Variants in DRICH1 observed in about 807,000 individuals in gnomAD.
DRICH1 encodes aspartate rich 1, also known as aspartate-rich protein 1.
A neutral mutation model predicts 39.5 loss-of-function variants in DRICH1; 38 were observed. The ratio of observed to expected loss-of-function variants is 0.96; its 90% CI spans 0.74 to 1.26. DRICH1 has a LOEUF of 1.26. Among genes scored for constraint, DRICH1 ranks in the 50% most tolerant of loss-of-function variants. DRICH1 has a pLI of 0.00. For missense variants in DRICH1, 279 were observed against 270.4 expected (o/e 1.03, Z -0.22); for synonymous variants, 84 against 99.5 (o/e 0.84, Z 0.93).
In DRICH1 at chr22:23,620,598, G is replaced by C. The variant is rs772777398; in HGVS notation, c.402C>G (p.Val134=). 49 of 1,613,700 alleles carry C rather than the reference G, an allele frequency of 3.0e-5. No individual in the cohort carries two copies. Among genetic ancestry groups the C allele is most frequent in the Middle Eastern group, 1.6e-4 (1 of 6,082 alleles). ...DDDAQILPSR[V]QGGCYRFDSS... ...GAGTTAGTTCAAGGTACATACCCTG[G>C]ACACGTGACGGTAAAATCTGCAACG... The change falls in exon 5 of 12, where the codon GTC becomes GTG. Residue 134 remains valine (V), a synonymous_variant. Coordinates refer to ENST00000317749, the MANE Select transcript of DRICH1 (RefSeq NM_016449.4).
At chr22:23,611,890 GTAATATGTTA>G (rs997640160) in intron 11 of DRICH1, among the ~76,000 whole-genome samples, 19 of 152,184 alleles carry the variant, frequency 1.2e-4, no homozygotes, top group Admixed American at 8.5e-4. Context: ...AACATTTTAA[GTAATATGTTA>G]TACAAATGAC....
the DRICH1 span, among the ~76,000 whole-genome samples, chr22:23,584,034 A>T: frequency 1.3e-5 from 2 of 152,184 alleles, no homozygotes; most frequent in Non-Finnish European, 2.9e-5. Flanking sequence ...CTCTCAACAG[A>T]GGCAGCCTCA....
At chr22:23,624,011 C>T (rs1927917884) in intron 3 of DRICH1, 1 of 984,374 alleles carries the variant, frequency 1.0e-6, no homozygotes, top group Admixed American at 6.2e-5. Context: ...CAAGGTTGTG[C>T]TTCTCCCTCC....
At chr22:23,603,303 GCCC>G in the DRICH1 span, among the ~76,000 whole-genome samples, 1 of 150,016 alleles carries the variant, frequency 6.7e-6, no homozygotes. Flanking sequence ...AACCTCTGGT[GCCC>G]CCAATTCAGC....
intron 8 of DRICH1, among the ~76,000 whole-genome samples, chr22:23,616,454 C>T (rs1352331782): frequency 2.0e-5 from 3 of 152,194 alleles, no homozygotes; most frequent in Non-Finnish European, 4.4e-5. Flanking sequence ...TGCACCTTCC[C>T]TAACCCTGCC....
the DRICH1 span, among the ~76,000 whole-genome samples, chr22:23,592,022 C>A: frequency 9.9e-5 from 15 of 152,208 alleles, no homozygotes; most frequent in Non-Finnish European, 1.9e-4. Context: ...GCCCAGGCTC[C>A]TTCTGTGGCT....
the DRICH1 span, among the ~76,000 whole-genome samples, chr22:23,582,229 G>A: frequency 8.7e-5 from 13 of 148,918 alleles, no homozygotes; most frequent in Admixed American, 4.0e-4. Flanking sequence ...CACCTGCCTC[G>A]GCCTCCCAAA....
At chr22:23,581,895 C>T in the DRICH1 span, among the ~76,000 whole-genome samples, 112 of 151,838 alleles carry the variant, frequency 7.4e-4, no homozygotes, top group Non-Finnish European at 1.0e-3. Flanking sequence ...TGAGCCACCG[C>T]GCCTGGCCCA....
chr22:23,603,821 C>G (rs530151192), downstream of DRICH1, among the ~76,000 whole-genome samples: 59 of 152,306 alleles, frequency 3.9e-4, no homozygotes, highest in Admixed American at 1.0e-3. Flanking sequence ...AGCCTGGCCC[C>G]TAGTAAGCCT....
chr22:23,627,233 T>C (rs9624237), intron 1 of DRICH1, among the ~76,000 whole-genome samples: 39,259 of 151,822 alleles, frequency 0.26, 5,172 homozygotes, highest in East Asian at 0.34. Context: ...TCACCACACC[T>C]GGCTAATTTT....
At chr22:23,601,963 A>C in the DRICH1 span, among the ~76,000 whole-genome samples, 1 of 150,776 alleles carries the variant, frequency 6.6e-6, no homozygotes, top group Non-Finnish European at 1.5e-5. Flanking sequence ...GCACTGTGGG[A>C]GGCTGAGAGC....
intron 3 of DRICH1, among the ~76,000 whole-genome samples, chr22:23,623,132 TGG>T (rs1927864749): frequency 6.6e-6 from 1 of 152,228 alleles, no homozygotes; most frequent in Non-Finnish European, 1.5e-5. Flanking sequence ...TGGCTGGGCA[TGG>T]TGGCTCATGC....
chr22:23,606,525 G>T (rs1020202462), downstream of DRICH1, among the ~76,000 whole-genome samples: 1 of 152,160 alleles, frequency 6.6e-6, no homozygotes, highest in African/African-American at 2.4e-5. Flanking sequence ...TCCACTCTAG[G>T]TCTTCCATCT....
chr22:23,583,721 G>A, the DRICH1 span: 2 of 152,442 alleles, frequency 1.3e-5, no homozygotes, highest in Non-Finnish European at 2.9e-5. Context: ...AGGTAGAGGG[G>A]AAGCCCCTGG....
At chr22:23,582,621 AATGGTGCT>A in the DRICH1 span, among the ~76,000 whole-genome samples, 8 of 150,472 alleles carry the variant, frequency 5.3e-5, no homozygotes, top group East Asian at 9.7e-4. Context: ...GCTGAAGTGC[AATGGTGCT>A]ATCTCGGCTC....
At position 23,613,641 on chromosome 22, in the gene DRICH1, C is replaced by T. The variant is rs1927173183; in HGVS notation, c.641G>A (p.Ser214Asn). ...DDIHITARIE[S>N]DLTLESLSDE... ...GTGAGTTATCTCATGGTACATACCA[C>T]TTTCTATCCGAGCTGTTATCTGCAA... Residue 214 changes from serine (S) to asparagine (N), a missense_variant and splice_region_variant, in exon 10 of 12, where the codon AGT becomes AAT. Coordinates refer to ENST00000317749, the MANE Select transcript of DRICH1 (RefSeq NM_016449.4). 1 of 1,605,502 alleles carries T rather than the reference C, an allele frequency of 6.2e-7. No homozygotes were observed. The highest frequency in any genetic ancestry group is 8.5e-7 in the Non-Finnish European group (1 of 1,173,018).
the DRICH1 span, among the ~76,000 whole-genome samples, chr22:23,581,743 A>G: frequency 1.1e-4 from 16 of 150,916 alleles, no homozygotes; most frequent in African/African-American, 3.7e-4. Context: ...AGTAGCTGGG[A>G]TTACAGGCAT....
At chr22:23,617,720 G>T in intron 6 of DRICH1, 63 bp from the exon 7 acceptor site, 1 of 1,520,236 alleles carries the variant, frequency 6.6e-7, no homozygotes, top group Non-Finnish European at 9.1e-7. Flanking sequence ...CACTCAGGGA[G>T]CTTTGCTGGA....
At chr22:23,613,379 C>A (rs933365498) in intron 10 of DRICH1, 49 bp from the exon 11 acceptor site, 1 of 1,442,022 alleles carries the variant, frequency 6.9e-7, no homozygotes, top group African/African-American at 1.4e-5. Context: ...AGTGACTCAC[C>A]CACTCCTCCT....
Sources: gnomAD v4.1 joint callset for allele counts (sites outside exome capture counted in the v4.1 genomes callset) on GRCh38, gnomAD v4.1.1 for gene constraint, MANE v1.5 for transcripts, NCBI Gene and HGNC (gene_info 2026-07-23, HGNC 2026-07-21) for gene names.